Variants in PDE1C observed in about 807,000 individuals in gnomAD.
The protein encoded by PDE1C is phosphodiesterase 1C.
In PDE1C, 62 loss-of-function variants were observed where a neutral mutation model predicts 93.1. That is an observed-to-expected ratio of 0.67 (90% CI 0.54 to 0.82). The LOEUF (loss-of-function observed/expected upper bound fraction) is 0.82, where lower values mean the gene tolerates loss of function less well. Among genes scored for constraint, PDE1C ranks in the 40% least tolerant of loss-of-function variants. The pLI is 0.00. For missense variants in PDE1C, 742 were observed against 884.6 expected (o/e 0.84, Z 2.04); for synonymous variants, 325 against 310.1 (o/e 1.05, Z -0.50).
chr7:32,214,995 G>GATGATGATGATC (rs1308188182), intron 1 of PDE1C, among the ~76,000 whole-genome samples: 1 of 152,030 alleles, frequency 6.6e-6, no homozygotes, highest in Non-Finnish European at 1.5e-5. Flanking sequence ...TGATGATGAT[G>GATGATGATGATC]ATGATGCAGG....
At chr7:32,039,704 T>A (rs1204419725) in intron 2 of PDE1C, among the ~76,000 whole-genome samples, 1 of 152,228 alleles carries the variant, frequency 6.6e-6, no homozygotes, top group Non-Finnish European at 1.5e-5. Flanking sequence ...TCTATTCCCA[T>A]TTATATTGTG....
intron 2 of PDE1C, among the ~76,000 whole-genome samples, chr7:32,182,568 A>G (rs1298660034): frequency 6.6e-6 from 1 of 152,202 alleles, no homozygotes; most frequent in African/African-American, 2.4e-5. Flanking sequence ...ATCTCAATAG[A>G]TGCAGAAAAG....
the PDE1C span, among the ~76,000 whole-genome samples, chr7:31,733,680 A>G: frequency 6.6e-6 from 1 of 152,166 alleles, no homozygotes; most frequent in Non-Finnish European, 1.5e-5. Flanking sequence ...TGAAGTTATT[A>G]CTAAAACACT....
chr7:32,095,065 C>T (rs1476610556), intron 3 of PDE1C, among the ~76,000 whole-genome samples: 2 of 152,142 alleles, frequency 1.3e-5, no homozygotes, highest in East Asian at 3.9e-4. Context: ...AGTAATGTGC[C>T]CCTCTAGACT....
intron 14 of PDE1C, among the ~76,000 whole-genome samples, chr7:31,816,922 T>C (rs12701137): frequency 0.2 from 29,755 of 152,188 alleles, 3,054 homozygotes; most frequent in Middle Eastern, 0.35. Flanking sequence ...CTTGGCTCTG[T>C]GCTTAGTCAA....
chr7:32,024,695 C>G (rs538676623), intron 2 of PDE1C, among the ~76,000 whole-genome samples: 2 of 152,062 alleles, frequency 1.3e-5, no homozygotes, highest in Non-Finnish European at 2.9e-5. Flanking sequence ...ATCACTGAAC[C>G]ACTGACACAC....
At chr7:32,092,856 A>G (rs76495570) in intron 3 of PDE1C, among the ~76,000 whole-genome samples, 1,603 of 150,484 alleles carry the variant, frequency 0.011, 42 homozygotes, top group African/African-American at 0.037. Context: ...CACAACTTGT[A>G]GTTGTGAATT....
At chr7:31,836,151 C>A (rs1791070433) in intron 11 of PDE1C, among the ~76,000 whole-genome samples, 1 of 152,124 alleles carries the variant, frequency 6.6e-6, no homozygotes, top group African/African-American at 2.4e-5. Context: ...TGTCTTCAAT[C>A]TCAGGCCCGC....
chr7:31,784,623 A>C (rs1046695769), intron 16 of PDE1C: 2 of 152,182 alleles, frequency 1.3e-5, no homozygotes, highest in Non-Finnish European at 2.9e-5. Context: ...AGGAAAAAAA[A>C]AGGAAAACAT....
the PDE1C span, among the ~76,000 whole-genome samples, chr7:31,737,150 AT>A: frequency 1.1e-4 from 16 of 149,964 alleles, no homozygotes; most frequent in African/African-American, 2.7e-4. Flanking sequence ...TTTTATTTTT[AT>A]TTTTTTTTGT....
At chr7:31,865,201 A>T in intron 6 of PDE1C, 119 bp from the exon 7 acceptor site, 2 of 853,074 alleles carry the variant, frequency 2.3e-6, no homozygotes, top group East Asian at 2.6e-5. Flanking sequence ...GGAAATTGGA[A>T]CTTACACAGT....
chr7:32,145,606 G>C (rs1356559735), intron 3 of PDE1C, among the ~76,000 whole-genome samples: 1 of 152,074 alleles, frequency 6.6e-6, no homozygotes, highest in Non-Finnish European at 1.5e-5. Context: ...TCATGATTCT[G>C]TGGGCATCAC....
intron 3 of PDE1C, among the ~76,000 whole-genome samples, chr7:32,092,164 T>TGAGAGAGA (rs3078655): frequency 0.038 from 5,643 of 148,954 alleles, 170 homozygotes; most frequent in East Asian, 0.12. Context: ...CTTTTGTTCA[T>TGAGAGAGA]GAGAGAGAGA....
intron 2 of PDE1C, among the ~76,000 whole-genome samples, chr7:31,975,623 C>G (rs1811567098): frequency 6.6e-6 from 1 of 151,960 alleles, no homozygotes; most frequent in African/African-American, 2.4e-5. Flanking sequence ...GTCAGAGAAA[C>G]CGACAGAGAA....
intron 3 of PDE1C, among the ~76,000 whole-genome samples, chr7:32,099,539 C>T (rs997843941): frequency 2.0e-5 from 3 of 152,174 alleles, no homozygotes; most frequent in African/African-American, 7.2e-5. Flanking sequence ...CTGTACAAGT[C>T]CTTGTACATT....
At chr7:32,000,716 A>G (rs998314930) in intron 2 of PDE1C, among the ~76,000 whole-genome samples, 11 of 152,080 alleles carry the variant, frequency 7.2e-5, no homozygotes, top group African/African-American at 2.2e-4. Flanking sequence ...AGCCTTGCCC[A>G]TTACCACCTC....
chr7:31,885,390 C>G (rs536285242), intron 2 of PDE1C, among the ~76,000 whole-genome samples: 3 of 152,194 alleles, frequency 2.0e-5, no homozygotes, highest in Non-Finnish European at 2.9e-5. Context: ...TGGCAAGATG[C>G]CTTTCAGTTA....
chr7:32,296,778 A>G (rs917190450), intron 1 of PDE1C, among the ~76,000 whole-genome samples: 1 of 152,264 alleles, frequency 6.6e-6, no homozygotes, highest in African/African-American at 2.4e-5. Flanking sequence ...ATTTAACATG[A>G]CAATGATCTA....
rs1792857641 is a variant in PDE1C, at chr7:31,848,104, G to A, written c.852-8C>T. Reference sequence around the variant, plus strand: ...AGAATAGCTGGATCAGACCTGAACAGAAAGCCAAGCAAAATTCAGAATGTT... The same window carrying A: ...AGAATAGCTGGATCAGACCTGAACAAAAAGCCAAGCAAAATTCAGAATGTT... On this transcript the variant is annotated splice_region_variant and splice_polypyrimidine_tract_variant and intron_variant, in intron 8 of 17. Transcript: ENST00000396191. The A allele has an allele frequency of 6.2e-7, 1 of 1,610,328 alleles. No individual in the cohort carries two copies. The highest frequency in any genetic ancestry group is 1.1e-5 in the South Asian group (1 of 90,632).
Sources: gnomAD v4.1 joint callset for allele counts (sites outside exome capture counted in the v4.1 genomes callset) on GRCh38, gnomAD v4.1.1 for gene constraint, MANE v1.5 for transcripts, NCBI Gene and HGNC (gene_info 2026-07-23, HGNC 2026-07-21) for gene names.